Variants in DNAH17 observed in about 807,000 individuals in gnomAD.
The protein encoded by DNAH17 is axonemal beta dynein heavy chain 17.
Under a neutral mutation model 485.6 loss-of-function variants are expected in DNAH17, and 376 were observed. The observed-to-expected ratio is 0.77, with a 90% CI of 0.71 to 0.84. The LOEUF (loss-of-function observed/expected upper bound fraction) is 0.84. Ranked by LOEUF, DNAH17 falls within the 40% of genes least tolerant of loss-of-function variation. The pLI is 0.00. For synonymous variants in DNAH17, 3,031 were observed against 2,405.9 expected (o/e 1.26, Z -7.60); for missense variants, 6,370 against 5,839.3 (o/e 1.09, Z -2.96).
At chr17:78,549,643 G>C (rs1723813122) in intron 16 of DNAH17, among the ~76,000 whole-genome samples, 1 of 152,226 alleles carries the variant, frequency 6.6e-6, no homozygotes, top group Non-Finnish European at 1.5e-5. Flanking sequence ...CTCAGGTAAA[G>C]GGGGGTTTAT....
At position 78,525,238 on chromosome 17, in the gene DNAH17, C is replaced by T. The variant is rs529804286; in HGVS notation, c.3712-77G>A. On this transcript the variant is annotated intron_variant, in intron 24 of 80. Coordinates refer to ENST00000389840, the MANE Select transcript of DNAH17 (RefSeq NM_173628.4). ...CCACCCCACTCCCCGACGTTCTGCC[C>T]GTCTCTCCAGTGTGCCCTCCCTGAT... 3.8e-5 allele frequency: 59 copies of T among 1,547,016 alleles called. No homozygotes were observed. In the South Asian group the frequency reaches 4.3e-4, roughly 11 times the overall value.
Position 78,450,320 on chromosome 17 carries a change from T to C in DNAH17, c.10974A>G (p.Ala3658=). The C allele has an allele frequency of 6.2e-7, 1 of 1,613,964 alleles. No individual in the cohort carries two copies. Among genetic ancestry groups the C allele is most frequent in the Non-Finnish European group, 8.5e-7 (1 of 1,179,836 alleles). ...CGTTCAGTATGAAGTAGAGCAGAGA[T>C]GCCCTCTCCGCAGCCGGGCGGTAGT... The part of the protein sequence containing the change: ...RENYRPAAER[A]SLLYFILNDL... Residue 3658 remains alanine (A), a synonymous_variant, in exon 68 of 81, where the codon GCA becomes GCG. Transcript: ENST00000389840.
At chr17:78,568,692 C>A (rs77115646) in intron 9 of DNAH17, among the ~76,000 whole-genome samples, 1,659 of 152,298 alleles carry the variant, frequency 0.011, 38 homozygotes, top group African/African-American at 0.037. Context: ...CTCAAGTGAT[C>A]CTCCCTCCTC....
At chr17:78,543,048 C>T (rs2091643062) in intron 17 of DNAH17, among the ~76,000 whole-genome samples, 1 of 152,192 alleles carries the variant, frequency 6.6e-6, no homozygotes, top group South Asian at 2.1e-4. Flanking sequence ...AGGAACCAGG[C>T]TTGGAAGTGT....
At chr17:78,450,180 C>G in intron 68 of DNAH17, 74 bp downstream of exon 68, 1 of 1,567,072 alleles carries the variant, frequency 6.4e-7, no homozygotes, top group Admixed American at 1.7e-5. Context: ...GCTGTGTGGG[C>G]AACAGGCCTG....
At chr17:78,568,446 T>C (rs977329408) in intron 9 of DNAH17, among the ~76,000 whole-genome samples, 2 of 152,134 alleles carry the variant, frequency 1.3e-5, no homozygotes, top group Admixed American at 6.5e-5. Flanking sequence ...TCCCCTTTTT[T>C]AAGGATGTGA....
Position 78,494,840 on chromosome 17 carries a change from G to A in DNAH17, c.6043-20C>T. 1 of 1,582,484 alleles carries A rather than the reference G, an allele frequency of 6.3e-7. No homozygotes were observed. The highest frequency in any genetic ancestry group is 8.6e-7 in the Non-Finnish European group (1 of 1,161,450). ...ATGATCCTGCGGGCAGTGGGCACAG[G>A]TGGGCAGACGTGAGCTCACCTTCCT... On this transcript the variant is annotated intron_variant, in intron 39 of 80. Coordinates refer to ENST00000389840, the MANE Select transcript of DNAH17 (RefSeq NM_173628.4).
chr17:78,530,333 G>A lies in DNAH17; in HGVS notation c.3284+10C>T, dbSNP rs1428155033. 2 of 1,601,292 alleles carry A rather than the reference G, an allele frequency of 1.2e-6. No individual in the cohort carries two copies. Among genetic ancestry groups the A allele is most frequent in the Non-Finnish European group, 1.7e-6 (2 of 1,170,970 alleles). On this transcript the variant is annotated intron_variant, in intron 21 of 80. Coordinates refer to ENST00000389840, the MANE Select transcript of DNAH17 (RefSeq NM_173628.4). ...CCTTGGGCTCCCCGAGTACATGGCT[G>A]GGGACCCACCTGTTGGTGACGTGGT...
At position 78,508,371 on chromosome 17, in the gene DNAH17, C is replaced by G. The variant is rs567882569; in HGVS notation, c.4237-566G>C. On this transcript the variant is annotated intron_variant, in intron 27 of 80. Transcript: ENST00000389840. ...CTGCTCAGACCCTTTTAGAACAGCT[C>G]TCACCTTCCAGCCTCTTACACAGAT... Among the ~76,000 whole-genome samples the G allele has an allele frequency of 7.2e-5, 11 of 152,334 alleles. No individual in the cohort carries two copies. In the South Asian group the frequency reaches 2.3e-3, roughly 32 times the overall value.
chr17:78,431,006 A>G (rs1487543546), intron 75 of DNAH17, among the ~76,000 whole-genome samples: 2 of 150,976 alleles, frequency 1.3e-5, no homozygotes, highest in East Asian at 3.9e-4. Flanking sequence ...TCAGCCTCCC[A>G]AGTAGCTGGG....
At chr17:78,499,149 G>A (rs1469270605) in intron 36 of DNAH17, 37 bp from the exon 37 acceptor site, 13 of 1,467,270 alleles carry the variant, frequency 8.9e-6, no homozygotes, top group African/African-American at 1.4e-5. Flanking sequence ...AGAGCTGGGA[G>A]GGTGACAGGG....
chr17:78,486,186 G>T, intron 45 of DNAH17, 38 bp downstream of exon 45: 1 of 1,593,178 alleles, frequency 6.3e-7, no homozygotes, highest in Non-Finnish European at 8.6e-7. Flanking sequence ...GATGCTGAGA[G>T]ACCCTGTGTG....
At chr17:78,431,566 T>C (rs536689486) in intron 75 of DNAH17, among the ~76,000 whole-genome samples, 1 of 152,218 alleles carries the variant, frequency 6.6e-6, no homozygotes, top group African/African-American at 2.4e-5. Flanking sequence ...TCCGTTCGCA[T>C]GGGAATCCCT....
intron 35 of DNAH17, 89 bp from the exon 36 acceptor site, chr17:78,500,550 C>G: frequency 7.5e-7 from 1 of 1,331,294 alleles, no homozygotes; most frequent in Non-Finnish European, 1.0e-6. Context: ...ACTCTGTCAC[C>G]CAGGCTGGAG....
At chr17:78,501,479 AC>A in intron 34 of DNAH17, 135 bp from the exon 35 acceptor site, 1 of 1,158,258 alleles carries the variant, frequency 8.6e-7, no homozygotes, top group Non-Finnish European at 1.2e-6. Flanking sequence ...CCCCTCCAGC[AC>A]CCACATCCAA....
chr17:78,485,717 T>C lies in DNAH17; in HGVS notation c.7316A>G (p.Tyr2439Cys). Reference protein sequence around the residue: ...VHTTETIRIRYFMDLLMEKSW... With the variant: ...VHTTETIRIRCFMDLLMEKSW... Reference sequence around the variant, plus strand: ...CTTCTCCATGAGCAGGTCCATGAAGTAGCGGATGCGGATGGTTTCCGTGGT... The same window carrying C: ...CTTCTCCATGAGCAGGTCCATGAAGCAGCGGATGCGGATGGTTTCCGTGGT... The change falls in exon 47 of 81, where the codon TAC (tyrosine) becomes TGC (cysteine). Residue 2439 changes from tyrosine (Y) to cysteine (C), a missense_variant. Tyr to Cys is a radical substitution (Grantham distance 194). Coordinates refer to ENST00000389840, the MANE Select transcript of DNAH17 (RefSeq NM_173628.4). 1 of 1,613,040 alleles carries C rather than the reference T, an allele frequency of 6.2e-7. No homozygotes were observed. The highest frequency in any genetic ancestry group is 8.5e-7 in the Non-Finnish European group (1 of 1,179,830).
intron 57 of DNAH17, among the ~76,000 whole-genome samples, 178 bp from the exon 58 acceptor site, chr17:78,461,886 C>T (rs950685616): frequency 2.0e-5 from 3 of 152,010 alleles, no homozygotes; most frequent in Non-Finnish European, 1.5e-5. Flanking sequence ...AGTTATAAAC[C>T]CTGACTGCGT....
In DNAH17 at chr17:78,429,125, T is replaced by C. The variant is rs143753136; in HGVS notation, c.12401A>G (p.Tyr4134Cys). 122 of 1,608,186 alleles carry C rather than the reference T, an allele frequency of 7.6e-5. No individual in the cohort carries two copies. The highest frequency in any genetic ancestry group is 9.7e-5 in the Non-Finnish European group (114 of 1,177,020). ...PGFQIPPNLD[Y>C]KGYHEYIDEN... ...TGTTTAACTTGTCATCCTTACCTTG[T>C]AGTCCAGGTTGGGGGGGATCTGAAA... Residue 4134 changes from tyrosine to cysteine, a missense_variant, in exon 76 of 81, where the codon TAC becomes TGC. Physicochemically the swap from Tyr to Cys is radical, Grantham distance 194 (BLOSUM62 -2). Coordinates refer to ENST00000389840, the MANE Select transcript of DNAH17 (RefSeq NM_173628.4).
In DNAH17 at chr17:78,502,499, C is replaced by A. The variant is rs116212656; in HGVS notation, c.5190+92G>T. 752 of 1,241,492 alleles carry A rather than the reference C, an allele frequency of 6.1e-4. 5 individuals carry two copies. In the African/African-American group the frequency reaches 9.8e-3, roughly 16 times the overall value. The allele number at this position is 1,241,492 out of a possible 1,614,324, so 76.9% of individuals were successfully genotyped here. ...CCGAGAAGAAGCCGCTCCAGGTACTCGCCCGGCAGGTTTCAGAAGGATACA... is the reference window on the plus strand; with the variant it reads ...CCGAGAAGAAGCCGCTCCAGGTACTAGCCCGGCAGGTTTCAGAAGGATACA... On this transcript the variant is annotated intron_variant, in intron 33 of 80. Transcript: ENST00000389840.
Sources: allele counts gnomAD v4.1 joint callset (sites outside exome capture counted in the v4.1 genomes callset), GRCh38; gene constraint gnomAD v4.1.1; transcripts MANE v1.5; gene names NCBI Gene and HGNC (gene_info 2026-07-23, HGNC 2026-07-21).